The following TNK2 variants were observed in gnomAD, a reference collection of about 807,000 sequenced individuals.
TNK2 encodes tyrosine kinase non receptor 2, also known as activated CDC42 kinase 1.
In TNK2, 83 loss-of-function variants were observed where a neutral mutation model predicts 101.8. The observed-to-expected ratio is 0.82, with a 90% confidence interval of 0.68 to 0.98. The LOEUF is 0.98. TNK2 is among the 50% of genes least tolerant of loss of function. The pLI, the probability that TNK2 is intolerant of heterozygous loss-of-function variation, is 0.00. For synonymous variants in TNK2, 804 were observed against 633.0 expected (o/e 1.27, Z -4.06); for missense variants, 1,665 against 1,483.2 (o/e 1.12, Z -2.01).
intron 2 of TNK2, among the ~76,000 whole-genome samples, chr3:195,887,896 A>G (rs555117835): frequency 8.0e-5 from 10 of 125,492 alleles, no homozygotes; most frequent in African/African-American, 4.3e-4. Flanking sequence ...ACGCACGTGC[A>G]TGCGTGTGTG....
chr3:195,864,690 GCGTCC>G lies in TNK2; in HGVS notation c.3162-508_3162-504del, dbSNP rs1739395570. On this transcript the variant is annotated intron_variant, in intron 15 of 15. Transcript: ENST00000672887. ...GACAGACAGGTGACAGCGAGTGCCT[GCGTCC>G]CAGATGCAAATCAGTAAGAACCACC... 2.2e-5 allele frequency among the ~76,000 whole-genome samples: 3 copies of G among 137,054 alleles called. No individual in the cohort carries two copies. The South Asian group carries it at 7.5e-4, about 34-fold the overall frequency. 89.9% of individuals were successfully genotyped at this position (137,054 alleles called of 152,430 possible). A position where few individuals can be genotyped will look rare whatever the true frequency, so the allele number is the denominator to read the frequency against.
intron 14 of TNK2, 65 bp from the exon 15 acceptor site, chr3:195,867,081 G>A: frequency 6.2e-7 from 1 of 1,608,150 alleles, no homozygotes; most frequent in African/African-American, 1.3e-5. Context: ...GGGAAGAGGG[G>A]AGTCGGAGCC....
At chr3:195,883,387 A>G (rs554414533) in intron 4 of TNK2, 78 bp from the exon 5 acceptor site, 246 of 1,537,848 alleles carry the variant, frequency 1.6e-4, no homozygotes, top group Non-Finnish European at 2.1e-4. Context: ...CCACCCTCCA[A>G]CTCGGCTCAA....
chr3:195,900,469 A>G (rs1009547104), intron 1 of TNK2, among the ~76,000 whole-genome samples: 1 of 152,208 alleles, frequency 6.6e-6, no homozygotes, highest in African/African-American at 2.4e-5. Flanking sequence ...ACGTGGAGAC[A>G]AGAGCATCCA....
intron 1 of TNK2, chr3:195,892,475 C>T (rs755397179): frequency 4.5e-4 from 697 of 1,535,478 alleles, no homozygotes; most frequent in Non-Finnish European, 5.9e-4. Flanking sequence ...AGGGAACCGA[C>T]GTGCTGCCGG....
intron 1 of TNK2, among the ~76,000 whole-genome samples, chr3:195,906,604 G>A (rs1023701172): frequency 6.6e-6 from 1 of 152,044 alleles, no homozygotes; most frequent in Non-Finnish European, 1.5e-5. Context: ...AGCGGGGGAT[G>A]GAGGGGTTCC....
intron 9 of TNK2, among the ~76,000 whole-genome samples, chr3:195,874,415 C>T (rs1489100722): frequency 1.3e-5 from 2 of 152,238 alleles, no homozygotes; most frequent in Non-Finnish European, 2.9e-5. Flanking sequence ...TGCTGGGAGT[C>T]CTGACACCAC....
At chr3:195,871,876 G>A (rs1026143463) in intron 10 of TNK2, among the ~76,000 whole-genome samples, 3 of 151,312 alleles carry the variant, frequency 2.0e-5, no homozygotes, top group Non-Finnish European at 4.4e-5. Context: ...GCTTGAAAAT[G>A]GCAGGGACAG....
At position 195,888,648 on chromosome 3, in the gene TNK2, G is replaced by A. The variant is rs1236303712; in HGVS notation, c.-18-42C>T. 3 of 1,556,098 alleles carry A rather than the reference G, an allele frequency of 1.9e-6. No individual in the cohort carries two copies. Among genetic ancestry groups the A allele is most frequent in the Admixed American group, 3.5e-5 (2 of 56,636 alleles). On this transcript the variant is annotated intron_variant, in intron 1 of 15. Transcript: ENST00000672887. This position sits in a 1 kb window ranked among gnomAD's most constrained non-coding sequence, Gnocchi z 5.3. ...GGCTCAGGGACAAGGGTTGTGGGGG[G>A]ACAACAGGGGCCTGCCCGAGTGACC...
At chr3:195,869,857 C>A in intron 11 of TNK2, 1 of 552,420 alleles carries the variant, frequency 1.8e-6, no homozygotes, top group Non-Finnish European at 3.2e-6. Flanking sequence ...TGAGCTCGGC[C>A]GTGGAAGGAG....
At chr3:195,866,556 G>A (rs1006735028) in intron 15 of TNK2, among the ~76,000 whole-genome samples, 3 of 152,214 alleles carry the variant, frequency 2.0e-5, no homozygotes, top group African/African-American at 7.2e-5. Flanking sequence ...ACAGAGGTGA[G>A]AAAGAGGTGT....
intron 1 of TNK2, chr3:195,895,168 C>A: frequency 7.3e-7 from 1 of 1,363,712 alleles, no homozygotes; most frequent in Non-Finnish European, 9.7e-7. Context: ...CCGCAGGGGG[C>A]AGGGCTGAGC....
At chr3:195,896,051 A>T (rs1438052642) in intron 1 of TNK2, 4 of 453,364 alleles carry the variant, frequency 8.8e-6, no homozygotes, top group Non-Finnish European at 1.8e-5. Context: ...GCACGCACTG[A>T]CCTCCTTGAC....
chr3:195,892,340 C>T, intron 1 of TNK2: 1 of 1,400,428 alleles, frequency 7.1e-7, no homozygotes, highest in East Asian at 2.7e-5. Flanking sequence ...TTGCTTTCTG[C>T]CTCTCAGTCA....
Position 195,888,012 on chromosome 3 carries a change from G to A in TNK2, c.163+414C>T, listed in dbSNP as rs1756869653. Among the ~76,000 whole-genome samples, 1 of 152,122 alleles carries A rather than the reference G, an allele frequency of 6.6e-6. No homozygotes were observed. Among genetic ancestry groups the A allele is most frequent in the Non-Finnish European group, 1.5e-5 (1 of 68,038 alleles). On this transcript the variant is annotated intron_variant, in intron 2 of 15. Transcript: ENST00000672887. This position sits in a 1 kb window ranked among gnomAD's most constrained non-coding sequence, Gnocchi z 5.3. ...TGTGCATGCGTGTGTGCGTGTGAGA[G>A]AGCAAGAAAGAGAGCGTGAGCACGA... is the stretch of plus-strand genomic sequence containing the variant.
At chr3:195,877,883 G>T (rs1256873111) in intron 9 of TNK2, among the ~76,000 whole-genome samples, 1 of 152,142 alleles carries the variant, frequency 6.6e-6, no homozygotes, top group Non-Finnish European at 1.5e-5. Flanking sequence ...CAGGTGGATG[G>T]CTGAGTCCCT....
chr3:195,897,817 C>G (rs1760787575), intron 1 of TNK2, among the ~76,000 whole-genome samples: 2 of 30,076 alleles, frequency 6.6e-5, no homozygotes, highest in African/African-American at 3.3e-4. Context: ...CTCACCCCCC[C>G]ACCCCCCCCC....
At chr3:195,869,569 G>T (rs1324767167) in intron 11 of TNK2, 28 bp from the exon 12 acceptor site, 4 of 1,550,470 alleles carry the variant, frequency 2.6e-6, no homozygotes, top group Non-Finnish European at 3.5e-6. Flanking sequence ...CGGACAGGGG[G>T]AGAGAGACGG....
intron 15 of TNK2, among the ~76,000 whole-genome samples, chr3:195,866,076 G>A (rs1029799516): frequency 5.3e-5 from 8 of 151,836 alleles, no homozygotes; most frequent in African/African-American, 1.7e-4. Flanking sequence ...ACTTGACAGC[G>A]CTCTCATATA....
Sources: gnomAD v4.1 joint callset for allele counts (sites outside exome capture counted in the v4.1 genomes callset) on GRCh38, gnomAD v4.1.1 for gene constraint, Gnocchi (gnomAD v3.1) non-coding constraint, MANE v1.5 for transcripts, NCBI Gene and HGNC (gene_info 2026-07-23, HGNC 2026-07-21) for gene names.